The following PTN variants were observed in gnomAD, a reference collection of about 807,000 sequenced individuals.
PTN encodes the protein pleiotrophin.
A neutral mutation model predicts 24.1 loss-of-function variants in PTN; 18 were observed. That is an observed-to-expected ratio of 0.75 (90% CI 0.52 to 1.11). The LOEUF is 1.11. Among genes scored for constraint, PTN ranks in the 50% least tolerant of loss-of-function variants. PTN has a pLI of 0.00. For missense variants in PTN, 163 were observed against 198.8 expected (o/e 0.82, Z 1.08); for synonymous variants, 78 against 68.6 (o/e 1.14, Z -0.67).
chr7:137,304,461 A>T (rs1174981323), intron 1 of PTN, among the ~76,000 whole-genome samples: 1 of 151,912 alleles, frequency 6.6e-6, no homozygotes, highest in Non-Finnish European at 1.5e-5. Flanking sequence ...CATCAAAAAA[A>T]GAGAGAGAAA....
At chr7:137,269,155 A>G (rs1809219697) in intron 1 of PTN, among the ~76,000 whole-genome samples, 1 of 151,846 alleles carries the variant, frequency 6.6e-6, no homozygotes, top group African/African-American at 2.4e-5. Flanking sequence ...ATTTCACAAA[A>G]TCTGTTCTTC....
intron 4 of PTN, among the ~76,000 whole-genome samples, chr7:137,248,793 A>G (rs1194702782): frequency 6.6e-6 from 1 of 152,216 alleles, no homozygotes; most frequent in Non-Finnish European, 1.5e-5. Flanking sequence ...AAGGTATATT[A>G]TACACAAAGG....
chr7:137,285,070 T>C (rs1196491524), intron 1 of PTN, among the ~76,000 whole-genome samples: 1 of 152,168 alleles, frequency 6.6e-6, no homozygotes, highest in African/African-American at 2.4e-5. Flanking sequence ...TATATATAAA[T>C]GGTAAGTATA....
intron 1 of PTN, among the ~76,000 whole-genome samples, chr7:137,315,978 A>G (rs1371099496): frequency 6.6e-6 from 1 of 152,130 alleles, no homozygotes; most frequent in African/African-American, 2.4e-5. Flanking sequence ...AAATAAAACC[A>G]TGTCTAAAAC....
intron 1 of PTN, among the ~76,000 whole-genome samples, chr7:137,278,602 A>G (rs1809410629): frequency 6.6e-6 from 1 of 152,116 alleles, no homozygotes; most frequent in African/African-American, 2.4e-5. Flanking sequence ...TCTGAAAAAC[A>G]TAACAATACC....
intron 1 of PTN, among the ~76,000 whole-genome samples, chr7:137,338,118 G>T (rs1480533626): frequency 6.6e-6 from 1 of 151,970 alleles, no homozygotes; most frequent in African/African-American, 2.4e-5. Context: ...CACCTAGAGG[G>T]GGCATTTGCC....
intron 4 of PTN, among the ~76,000 whole-genome samples, chr7:137,237,439 G>T (rs998939302): frequency 1.3e-5 from 2 of 152,080 alleles, no homozygotes; most frequent in Non-Finnish European, 2.9e-5. Flanking sequence ...CCGCGAATTC[G>T]ATTTCAGACT....
intron 1 of PTN, among the ~76,000 whole-genome samples, chr7:137,276,786 T>C (rs1166611124): frequency 6.6e-6 from 1 of 150,446 alleles, no homozygotes; most frequent in Non-Finnish European, 1.5e-5. Context: ...TTCACAATTA[T>C]TGCTTTTAAC....
chr7:137,318,392 C>T (rs776993722), intron 1 of PTN, among the ~76,000 whole-genome samples: 18 of 152,136 alleles, frequency 1.2e-4, no homozygotes, highest in Non-Finnish European at 2.4e-4. Flanking sequence ...CCAGCGATTC[C>T]AGAGACTTCA....
chr7:137,266,990 G>A (rs1009243814), intron 1 of PTN, among the ~76,000 whole-genome samples: 3 of 151,408 alleles, frequency 2.0e-5, no homozygotes, highest in South Asian at 2.1e-4. Context: ...AGTGCTTTCC[G>A]GATACGCCCT....
intron 1 of PTN, among the ~76,000 whole-genome samples, chr7:137,275,326 AAAG>A (rs1183561549): frequency 6.6e-6 from 1 of 152,244 alleles, no homozygotes; most frequent in Non-Finnish European, 1.5e-5. Context: ...TTTAGTAATA[AAAG>A]AAGAAAGTAT....
chr7:137,270,846 A>G (rs570743087), intron 1 of PTN, among the ~76,000 whole-genome samples: 2 of 152,318 alleles, frequency 1.3e-5, no homozygotes, highest in South Asian at 4.1e-4. Flanking sequence ...AAGGAGGACT[A>G]TTTAGGTAGG....
intron 1 of PTN, among the ~76,000 whole-genome samples, chr7:137,296,322 A>C (rs192287960): frequency 6.6e-6 from 1 of 152,238 alleles, no homozygotes; most frequent in East Asian, 1.9e-4. Flanking sequence ...AAAAGATTAA[A>C]ATACCATATT....
At chr7:137,246,134 G>T (rs1808719615) in intron 4 of PTN, among the ~76,000 whole-genome samples, 1 of 152,080 alleles carries the variant, frequency 6.6e-6, no homozygotes, top group Admixed American at 6.5e-5. Context: ...GCAACTTCCA[G>T]TCCTGCAAGC....
chr7:137,339,570 A>G (rs1477687440), intron 1 of PTN, among the ~76,000 whole-genome samples: 1 of 114,686 alleles, frequency 8.7e-6, no homozygotes. Context: ...TCTTGAATCA[A>G]AAAAAAAAAA....
chr7:137,278,569 A>C (rs1809410203), intron 1 of PTN, among the ~76,000 whole-genome samples: 1 of 152,144 alleles, frequency 6.6e-6, no homozygotes, highest in Non-Finnish European at 1.5e-5. Context: ...GGGTTATTTT[A>C]TAATTAGAGA....
chr7:137,266,020 G>A (rs1809137740), intron 1 of PTN, among the ~76,000 whole-genome samples: 1 of 151,914 alleles, frequency 6.6e-6, no homozygotes, highest in African/African-American at 2.4e-5. Context: ...TGTTATTAAT[G>A]TTAAACTTAA....
intron 1 of PTN, among the ~76,000 whole-genome samples, chr7:137,296,992 C>G (rs749394237): frequency 6.6e-6 from 1 of 152,022 alleles, no homozygotes. Context: ...AAAAAGTATT[C>G]CAAATCAGAG....
At chr7:137,297,219 CA>C (rs1228244660) in intron 1 of PTN, among the ~76,000 whole-genome samples, 2 of 152,094 alleles carry the variant, frequency 1.3e-5, no homozygotes, top group Non-Finnish European at 1.5e-5. Flanking sequence ...ACCATCATTT[CA>C]CTCACATAAG....
Sources: allele counts gnomAD v4.1 joint callset (sites outside exome capture counted in the v4.1 genomes callset), GRCh38; gene constraint gnomAD v4.1.1; transcripts MANE v1.5; gene names NCBI Gene and HGNC (gene_info 2026-07-23, HGNC 2026-07-21).